Variants in RAB5B observed in about 807,000 individuals in gnomAD.
The protein encoded by RAB5B is RAB5B, member RAS oncogene family.
RAB5B carries 11 observed loss-of-function variants against 28.6 expected under a neutral mutation model. The observed-to-expected ratio is 0.38, with a 90% confidence interval of 0.24 to 0.64. RAB5B has a LOEUF of 0.64. Ranked by LOEUF, RAB5B falls within the 30% of genes least tolerant of loss-of-function variation. RAB5B has a pLI of 0.53. For synonymous variants in RAB5B, 93 were observed against 97.9 expected, an observed-to-expected ratio of 0.95 and a Z score of 0.29; for missense variants, 169 against 265.6, an observed-to-expected ratio of 0.64 and a Z score of 2.53.
At chr12:55,975,790 CTTTTTTT>C (rs1163535431) in intron 1 of RAB5B, among the ~76,000 whole-genome samples, 2 of 115,140 alleles carry the variant, frequency 1.7e-5, no homozygotes, top group Non-Finnish European at 3.5e-5. Context: ...CACTACATTT[CTTTTTTT>C]TTTTTTTTTT....
chr12:55,980,660 A>G, intron 1 of RAB5B: 5 of 1,594,826 alleles, frequency 3.1e-6, no homozygotes, highest in South Asian at 2.2e-5. Flanking sequence ...CTTGGCCTCC[A>G]TGTCACATTT....
At chr12:55,989,674 G>T (rs558093459) in intron 2 of RAB5B, among the ~76,000 whole-genome samples, 1 of 152,204 alleles carries the variant, frequency 6.6e-6, no homozygotes, top group African/African-American at 2.4e-5. Flanking sequence ...AGGATGACTC[G>T]TATAAGTGCC....
At chr12:55,976,402 C>A (rs1889647890) in intron 1 of RAB5B, among the ~76,000 whole-genome samples, 1 of 152,150 alleles carries the variant, frequency 6.6e-6, no homozygotes, top group Admixed American at 6.5e-5. Context: ...CTTGAGTACA[C>A]ACAAACACAC....
At chr12:55,988,935 C>CTTTTTTTT (rs35994383) in intron 2 of RAB5B, among the ~76,000 whole-genome samples, 21 of 94,678 alleles carry the variant, frequency 2.2e-4, no homozygotes, top group Non-Finnish European at 2.7e-4. Context: ...CTAATTAATT[C>CTTTTTTTT]TTTTTTTTTT....
chr12:55,982,234 A>C (rs1420139834), intron 1 of RAB5B, among the ~76,000 whole-genome samples: 1 of 141,444 alleles, frequency 7.1e-6, no homozygotes, highest in Admixed American at 7.1e-5. Context: ...ATACCACTTG[A>C]CTGGTTTACC....
In RAB5B at chr12:55,982,277, G is replaced by GA. The variant is rs1006043304; in HGVS notation, c.-92-4586dup. Reference sequence around the variant, plus strand: ...AAAAAAAAAATTAGTATTTTTGTGGGAAAAAATGAGAATAGAAAATAAATA... The same window carrying GA: ...AAAAAAAAAATTAGTATTTTTGTGGGAAAAAAATGAGAATAGAAAATAAATA... On this transcript the variant is annotated intron_variant, in intron 1 of 5. Transcript: ENST00000360299. Among the ~76,000 whole-genome samples, 35 of 150,464 alleles carry GA rather than the reference G, an allele frequency of 2.3e-4. 1 individual carries two copies. The highest frequency in any genetic ancestry group is 8.5e-4 in the African/African-American group (35 of 40,970).
intron 2 of RAB5B, among the ~76,000 whole-genome samples, chr12:55,987,361 A>G (rs2136484590): frequency 6.6e-6 from 1 of 151,866 alleles, no homozygotes; most frequent in South Asian, 2.1e-4. Context: ...GGGTTTCACC[A>G]TCATGTTGGC....
In RAB5B at chr12:55,996,003, A is replaced by ATATATATTTTTTTTTT; in HGVS notation, c.*3792_*3793insATATATTTTTTTTTTT. On this transcript the variant is annotated 3_prime_UTR_variant, in exon 6 of 6. Coordinates refer to ENST00000360299, the MANE Select transcript of RAB5B (RefSeq NM_002868.4). ...TATATACATATATATATATATATAT[A>ATATATATTTTTTTTTT]TTTTTTTTTTAACAACTGGTAGGAT... 1.1e-4 allele frequency: 11 copies of ATATATATTTTTTTTTT among 97,406 alleles called. No individual in the cohort carries two copies. The highest frequency in any genetic ancestry group is 1.8e-4 in the Non-Finnish European group (9 of 50,482). The allele number at this position is 97,406 out of a possible 1,614,324, so 6.0% of individuals were successfully genotyped here. A position where few individuals can be genotyped will look rare whatever the true frequency, so the allele number is the denominator to read the frequency against.
In RAB5B at chr12:55,986,311, G is replaced by T. The variant is rs571488252; in HGVS notation, c.-92-558G>T. Among the ~76,000 whole-genome samples the T allele has an allele frequency of 3.9e-5, 6 of 152,286 alleles. No individual in the cohort carries two copies. The South Asian group carries it at 1.0e-3, about 26-fold the overall frequency. On this transcript the variant is annotated intron_variant, in intron 1 of 5. Coordinates refer to ENST00000360299, the MANE Select transcript of RAB5B (RefSeq NM_002868.4). The stretch of plus-strand genomic sequence containing the variant: ...AAAAATACAAAATTAGCCAGGCGTG[G>T]TGGTGCATGCCTGTAATCCCAGCTA...
chr12:55,977,716 A>C (rs1889685061), intron 1 of RAB5B, among the ~76,000 whole-genome samples: 1 of 152,190 alleles, frequency 6.6e-6, no homozygotes, highest in Non-Finnish European at 1.5e-5. Flanking sequence ...AAAACCCTAC[A>C]TGGTATACTC....
In RAB5B at chr12:55,990,777, G is replaced by T; in HGVS notation, c.411G>T (p.Leu137=). ...CCCTGGCAGGGAACAAAGCTGACCTGGCCAACAAACGTATGGTGGAGTATG... is the reference window on the plus strand; with the variant it reads ...CCCTGGCAGGGAACAAAGCTGACCTTGCCAACAAACGTATGGTGGAGTATG... ...VIALAGNKAD[L]ANKRMVEYEE... Residue 137 remains leucine, a synonymous_variant, in exon 4 of 6, where the codon CTG becomes CTT. Coordinates refer to ENST00000360299, the MANE Select transcript of RAB5B (RefSeq NM_002868.4). The T allele has an allele frequency of 1.9e-6, 3 of 1,614,084 alleles. No homozygotes were observed.
At chr12:55,977,227 A>C (rs1327514918) in intron 1 of RAB5B, among the ~76,000 whole-genome samples, 2 of 152,014 alleles carry the variant, frequency 1.3e-5, no homozygotes, top group Non-Finnish European at 2.9e-5. Context: ...CACGTGCCTC[A>C]GCCTCCCAAA....
intron 1 of RAB5B, among the ~76,000 whole-genome samples, chr12:55,983,650 T>A (rs968087656): frequency 2.1e-5 from 3 of 145,448 alleles, no homozygotes; most frequent in South Asian, 2.1e-4. Flanking sequence ...TTTAGTTATG[T>A]CTCCTTTTTT....
rs1293760482 is a variant in RAB5B at position 55,995,995 on chromosome 12, A to ATTTTTTTTTTT, written c.*3784_*3785insTTTTTTTTTTT. On this transcript the variant is annotated 3_prime_UTR_variant, in exon 6 of 6. Transcript: ENST00000360299. Reference sequence around the variant, plus strand: ...TCCATATATATATACATATATATATATATATATATTTTTTTTTTAACAACT... The same window carrying ATTTTTTTTTTT: ...TCCATATATATATACATATATATATATTTTTTTTTTTTATATATATTTTTTTTTTAACAACT... The ATTTTTTTTTTT allele has an allele frequency of 1.9e-5, 2 of 104,040 alleles. No individual in the cohort carries two copies. The highest frequency in any genetic ancestry group is 1.0e-4 in the African/African-American group (2 of 19,368). The allele number at this position is 104,040 out of a possible 1,614,324, so 6.4% of individuals were successfully genotyped here. A position where few individuals can be genotyped will look rare whatever the true frequency, so the allele number is the denominator to read the frequency against.
At position 55,992,199 on chromosome 12, in the gene RAB5B, G is replaced by A. The variant is rs1301306145; in HGVS notation, c.635G>A (p.Cys212Tyr). 1.2e-6 allele frequency: 2 copies of A among 1,613,746 alleles called. No homozygotes were observed. The highest frequency in any genetic ancestry group is 1.7e-5 in the Admixed American group (1 of 59,996). Residue 212 changes from cysteine (C) to tyrosine (Y), a missense_variant, in exon 6 of 6, where the codon TGT (cysteine) becomes TAT (tyrosine). Cys to Tyr is a radical substitution (Grantham distance 194). Transcript: ENST00000360299. ...HEQSQQNKSQ[C>Y]CSN Reference sequence around the variant, plus strand: ...CAGTCCCAGCAGAACAAGAGCCAGTGTTGTAGCAACTGAGGGGGTGGCTAG... The same window carrying A: ...CAGTCCCAGCAGAACAAGAGCCAGTATTGTAGCAACTGAGGGGGTGGCTAG...
intron 1 of RAB5B, chr12:55,980,518 CT>C: frequency 6.3e-7 from 1 of 1,587,812 alleles, no homozygotes; most frequent in South Asian, 1.1e-5. Context: ...GGCCTCCTGA[CT>C]TGAGCAAGAT....
Position 55,993,528 on chromosome 12 carries a change from G to C in RAB5B, c.*1316G>C, listed in dbSNP as rs1163172917. ...GGGAGGAGTTTTCTGTCCTTTCCCAGGTTTCACACTCAATTTGATATCCAT... is the reference window on the plus strand; with the variant it reads ...GGGAGGAGTTTTCTGTCCTTTCCCACGTTTCACACTCAATTTGATATCCAT... On this transcript the variant is annotated 3_prime_UTR_variant, in exon 6 of 6. Coordinates refer to ENST00000360299, the MANE Select transcript of RAB5B (RefSeq NM_002868.4). 6.6e-6 allele frequency: 1 copy of C among 152,628 alleles called. No individual in the cohort carries two copies. Among genetic ancestry groups the C allele is most frequent in the Non-Finnish European group, 1.5e-5 (1 of 68,080 alleles). The allele number at this position is 152,628 out of a possible 1,614,324, so 9.5% of individuals were successfully genotyped here. A position where few individuals can be genotyped will look rare whatever the true frequency, so the allele number is the denominator to read the frequency against.
At position 55,992,293 on chromosome 12, in the gene RAB5B, C is replaced by G; in HGVS notation, c.*81C>G. On this transcript the variant is annotated 3_prime_UTR_variant, in exon 6 of 6. Transcript: ENST00000360299. ...TCCATCCCTACCCCTCAGCACACAACCCCTACGGTAACAGCACACTGAGCC... is the reference window on the plus strand; with the variant it reads ...TCCATCCCTACCCCTCAGCACACAAGCCCTACGGTAACAGCACACTGAGCC... 1 of 1,196,686 alleles carries G rather than the reference C, an allele frequency of 8.4e-7. No homozygotes were observed. The highest frequency in any genetic ancestry group is 1.2e-6 in the Non-Finnish European group (1 of 822,642). 74.1% of individuals were successfully genotyped at this position (1,196,686 alleles called of 1,614,324 possible).
At chr12:55,987,439 C>G (rs1889983594) in intron 2 of RAB5B, among the ~76,000 whole-genome samples, 1 of 151,926 alleles carries the variant, frequency 6.6e-6, no homozygotes, top group Non-Finnish European at 1.5e-5. Context: ...GCTGGGATTA[C>G]AGGCGTGAGT....
Sources: allele counts gnomAD v4.1 joint callset (sites outside exome capture counted in the v4.1 genomes callset), GRCh38; gene constraint gnomAD v4.1.1; transcripts MANE v1.5; gene names NCBI Gene and HGNC (gene_info 2026-07-23, HGNC 2026-07-21).